AOPEP: variants seen among roughly 807,000 people sequenced by gnomAD.
The protein encoded by AOPEP is aminopeptidase O (putative).
A neutral mutation model predicts 98.1 loss-of-function variants in AOPEP; 77 were observed. The observed-to-expected ratio is 0.78, with a 90% CI of 0.65 to 0.95. The LOEUF (loss-of-function observed/expected upper bound fraction) is 0.95, where lower values mean the gene tolerates loss of function less well. Among genes scored for constraint, AOPEP ranks in the 40% least tolerant of loss-of-function variants. The pLI is 0.00. For missense variants in AOPEP, 1,024 were observed against 1,024.7 expected (o/e 1.00, Z 0.01); for synonymous variants, 346 against 365.3 (o/e 0.95, Z 0.60).
At chr9:94,916,172 G>T (rs1393757854) in intron 5 of AOPEP, among the ~76,000 whole-genome samples, 1 of 152,208 alleles carries the variant, frequency 6.6e-6, no homozygotes. Flanking sequence ...CTGTATCACA[G>T]TGGAGGCTAA....
At chr9:94,842,596 A>C (rs925837312) in intron 5 of AOPEP, among the ~76,000 whole-genome samples, 1 of 152,192 alleles carries the variant, frequency 6.6e-6, no homozygotes, top group African/African-American at 2.4e-5. Context: ...AATAACAGAA[A>C]GATAATCTAC....
At chr9:95,043,579 A>C (rs2065555711) in intron 13 of AOPEP, among the ~76,000 whole-genome samples, 1 of 152,218 alleles carries the variant, frequency 6.6e-6, no homozygotes, top group African/African-American at 2.4e-5. Context: ...TAACATAGGA[A>C]AACTTCCAGT....
intron 10 of AOPEP, among the ~76,000 whole-genome samples, chr9:94,975,591 C>T: frequency 6.6e-6 from 1 of 152,216 alleles, no homozygotes; most frequent in East Asian, 1.9e-4. Flanking sequence ...ACTATCTGCA[C>T]AGTGTCTCCC....
At chr9:94,833,776 A>G (rs1369858923) in intron 5 of AOPEP, among the ~76,000 whole-genome samples, 1 of 152,236 alleles carries the variant, frequency 6.6e-6, no homozygotes, top group East Asian at 1.9e-4. Flanking sequence ...AAACTGGTAA[A>G]TAAAGAGACT....
At chr9:94,735,915 A>C (rs1028498586) in intron 1 of AOPEP, among the ~76,000 whole-genome samples, 1 of 152,170 alleles carries the variant, frequency 6.6e-6, no homozygotes, top group African/African-American at 2.4e-5. Flanking sequence ...TAATCATAGA[A>C]TATGTGGCCC....
intron 5 of AOPEP, among the ~76,000 whole-genome samples, chr9:94,857,303 G>A (rs2044345034): frequency 6.6e-6 from 1 of 152,128 alleles, no homozygotes; most frequent in Non-Finnish European, 1.5e-5. Flanking sequence ...CTTCAACCAT[G>A]TTTTAACTGC....
intron 5 of AOPEP, among the ~76,000 whole-genome samples, chr9:94,899,946 C>T (rs982706916): frequency 6.6e-6 from 1 of 152,108 alleles, no homozygotes; most frequent in Non-Finnish European, 1.5e-5. Flanking sequence ...TGTTACCTGA[C>T]CCCTCCCCCC....
At chr9:95,140,052 A>T in the AOPEP span, among the ~76,000 whole-genome samples, 2 of 152,058 alleles carry the variant, frequency 1.3e-5, no homozygotes. Flanking sequence ...TCAAGAAAAC[A>T]GAGTAAGATA....
intron 11 of AOPEP, among the ~76,000 whole-genome samples, chr9:94,995,076 A>G (rs1386148511): frequency 6.6e-6 from 1 of 152,224 alleles, no homozygotes; most frequent in East Asian, 1.9e-4. Context: ...ACACATGAGA[A>G]ACAGAACTTG....
chr9:94,732,247 CTT>C (rs57168878), intron 1 of AOPEP, among the ~76,000 whole-genome samples: 1 of 147,424 alleles, frequency 6.8e-6, no homozygotes, highest in African/African-American at 2.5e-5. Context: ...TTTCAGTCAA[CTT>C]TTTTTTTTTT....
intron 5 of AOPEP, among the ~76,000 whole-genome samples, chr9:94,862,600 G>T (rs1211052848): frequency 6.6e-6 from 1 of 152,150 alleles, no homozygotes. Flanking sequence ...GCATCTCCAG[G>T]TTCTGCCCCT....
chr9:94,923,922 A>T (rs1424011222), intron 5 of AOPEP, 64 bp from the exon 6 acceptor site: 1 of 1,162,838 alleles, frequency 8.6e-7, no homozygotes, highest in African/African-American at 1.6e-5. Flanking sequence ...AAGCTGCCCC[A>T]TCGGATGGCC....
the AOPEP span, among the ~76,000 whole-genome samples, chr9:95,096,276 G>A: frequency 6.6e-6 from 1 of 152,192 alleles, no homozygotes; most frequent in African/African-American, 2.4e-5. Context: ...CTGAAACCTA[G>A]GCAGTGAGTA....
chr9:94,803,668 G>A (rs1392428635), intron 5 of AOPEP, among the ~76,000 whole-genome samples: 1 of 152,180 alleles, frequency 6.6e-6, no homozygotes, highest in Admixed American at 6.5e-5. Context: ...AAACATGGCA[G>A]TAACTAGAAC....
At chr9:94,845,656 G>C (rs1349555559) in intron 5 of AOPEP, among the ~76,000 whole-genome samples, 4 of 152,156 alleles carry the variant, frequency 2.6e-5, no homozygotes, top group Non-Finnish European at 5.9e-5. Flanking sequence ...TTGAAGAGCT[G>C]TTGGGATTTT....
chr9:94,852,524 C>T (rs964732419), intron 5 of AOPEP, among the ~76,000 whole-genome samples: 1 of 152,120 alleles, frequency 6.6e-6, no homozygotes, highest in Non-Finnish European at 1.5e-5. Flanking sequence ...ACAGTGGGAT[C>T]GGATATCATG....
At chr9:94,992,575 C>T (rs76272134) in intron 11 of AOPEP, among the ~76,000 whole-genome samples, 10,130 of 152,244 alleles carry the variant, frequency 0.067, 821 homozygotes, top group African/African-American at 0.19. Flanking sequence ...TTTTGTTCAG[C>T]AAGGCTAGTC....
chr9:94,947,831 G>A (rs2057793844), intron 7 of AOPEP, among the ~76,000 whole-genome samples: 1 of 152,060 alleles, frequency 6.6e-6, no homozygotes, highest in African/African-American at 2.4e-5. Flanking sequence ...GCAGCACTGG[G>A]GTGAAAGCAG....
intron 5 of AOPEP, among the ~76,000 whole-genome samples, chr9:94,851,084 C>T (rs1243509546): frequency 6.6e-6 from 1 of 152,230 alleles, no homozygotes; most frequent in Non-Finnish European, 1.5e-5. Flanking sequence ...GGAGCTCTGA[C>T]AGTCTATACT....
Sources: allele counts gnomAD v4.1 joint callset (sites outside exome capture counted in the v4.1 genomes callset), GRCh38; gene constraint gnomAD v4.1.1; transcripts MANE v1.5; gene names NCBI Gene and HGNC (gene_info 2026-07-23, HGNC 2026-07-21).